The following PUM2 variants were observed in gnomAD, a reference collection of about 807,000 sequenced individuals.
PUM2 encodes pumilio homolog 2.
In PUM2, 57 loss-of-function variants were observed where a neutral mutation model predicts 124.5. The observed-to-expected ratio is 0.46, with a 90% CI of 0.37 to 0.57. PUM2 has a LOEUF of 0.57. Ranked by LOEUF, PUM2 falls within the 20% of genes least tolerant of loss-of-function variation. PUM2 has a pLI of 0.00. For synonymous variants in PUM2, 460 were observed against 446.1 expected (o/e 1.03, Z -0.39); for missense variants, 1,065 against 1,290.6 (o/e 0.83, Z 2.68).
intron 20 of PUM2, among the ~76,000 whole-genome samples, chr2:20,253,023 G>A (rs970921493): frequency 4.6e-5 from 7 of 152,126 alleles, no homozygotes; most frequent in African/African-American, 7.2e-5. Context: ...AATACTATAC[G>A]CTATTTTATA....
At chr2:20,276,364 T>C (rs929998532) in intron 13 of PUM2, among the ~76,000 whole-genome samples, 1 of 151,668 alleles carries the variant, frequency 6.6e-6, no homozygotes, top group Non-Finnish European at 1.5e-5. Context: ...GGGATGCAGA[T>C]CTCAAGCCTT....
Position 20,251,546 on chromosome 2 carries a change from C to A in PUM2, c.*39G>T, listed in dbSNP as rs1327056611. Reference sequence around the variant, plus strand: ...AATTCACACACAAAAAAATTCTTTTCACATGGTTAAATTATCTTCTTTCTC... The same window carrying A: ...AATTCACACACAAAAAAATTCTTTTAACATGGTTAAATTATCTTCTTTCTC... On this transcript the variant is annotated 3_prime_UTR_variant, in exon 21 of 21. Coordinates refer to ENST00000361078, the MANE Select transcript of PUM2 (RefSeq NM_015317.5). 6.4e-7 allele frequency: 1 copy of A among 1,569,584 alleles called. No homozygotes were observed. Among genetic ancestry groups the A allele is most frequent in the Non-Finnish European group, 8.7e-7 (1 of 1,155,466 alleles).
In PUM2 at chr2:20,312,344, T is replaced by C. The variant is rs545743619; in HGVS notation, c.240A>G (p.Ile80Met). 2 of 1,613,582 alleles carry C rather than the reference T, an allele frequency of 1.2e-6. No individual in the cohort carries two copies. Among genetic ancestry groups the C allele is most frequent in the Admixed American group, 1.7e-5 (1 of 60,014 alleles). ...CTCCACTTTCTGATCGCGGAGACAG[T>C]ATTGCATTTACTTCACTGTTTCCAT... ...GFHGNSEVNA[I>M]LSPRSESGGL... Residue 80 changes from isoleucine (I) to methionine (M), a missense_variant, in exon 4 of 21, where the codon ATA becomes ATG. Physicochemically the swap from Ile to Met is conservative, Grantham distance 10. Transcript: ENST00000361078.
chr2:20,274,293 C>T (rs1015513380), intron 13 of PUM2, among the ~76,000 whole-genome samples: 5 of 152,082 alleles, frequency 3.3e-5, no homozygotes, highest in Non-Finnish European at 4.4e-5. Flanking sequence ...GTGAATGCTT[C>T]GAATAATTCA....
intron 12 of PUM2, among the ~76,000 whole-genome samples, chr2:20,280,945 CT>C (rs1671369996): frequency 6.6e-6 from 1 of 152,126 alleles, no homozygotes. Flanking sequence ...GTATTTAACA[CT>C]GTTAAACATT....
At chr2:20,264,064 C>T (rs190901732) in intron 13 of PUM2, among the ~76,000 whole-genome samples, 7 of 151,486 alleles carry the variant, frequency 4.6e-5, no homozygotes, top group Admixed American at 2.0e-4. Flanking sequence ...TAAGGTTGGG[C>T]GTCGTGGCTC....
At position 20,260,330 on chromosome 2, in the gene PUM2, T is replaced by A. The variant is rs371835738; in HGVS notation, c.2355+7A>T. The A allele has an allele frequency of 1.9e-6, 3 of 1,607,226 alleles. No individual in the cohort carries two copies. The African/African-American group carries it at 4.0e-5, about 22-fold the overall frequency. Reference sequence around the variant, plus strand: ...GGGCGGATATACAAATATGCATGAATCCTTACCTCAAAAAACTTCTGTATA... The same window carrying A: ...GGGCGGATATACAAATATGCATGAAACCTTACCTCAAAAAACTTCTGTATA... On this transcript the variant is annotated splice_region_variant and intron_variant, in intron 15 of 20. Coordinates refer to ENST00000361078, the MANE Select transcript of PUM2 (RefSeq NM_015317.5).
chr2:20,280,829 C>T (rs573210832), intron 12 of PUM2, among the ~76,000 whole-genome samples: 8 of 152,098 alleles, frequency 5.3e-5, no homozygotes, highest in Non-Finnish European at 8.8e-5. Flanking sequence ...AAATTATAAA[C>T]TTTCAATTGT....
chr2:20,275,330 C>T (rs956836905), intron 13 of PUM2, among the ~76,000 whole-genome samples: 2 of 151,932 alleles, frequency 1.3e-5, no homozygotes, highest in East Asian at 3.9e-4. Flanking sequence ...GATAAAAACA[C>T]GAGTCACCTT....
At chr2:20,325,563 T>C (rs1288473016) in intron 2 of PUM2, among the ~76,000 whole-genome samples, 2 of 151,472 alleles carry the variant, frequency 1.3e-5, no homozygotes, top group African/African-American at 4.8e-5. Context: ...ATATATACAA[T>C]ATACATCTAA....
intron 14 of PUM2, among the ~76,000 whole-genome samples, chr2:20,262,206 G>A (rs953065115): frequency 6.6e-6 from 1 of 152,230 alleles, no homozygotes; most frequent in Admixed American, 6.5e-5. Context: ...GGAGTGTACA[G>A]TAATGTCCTA....
intron 13 of PUM2, among the ~76,000 whole-genome samples, chr2:20,264,350 AAAAAAAAAAAAAAAAAAATAT>A (rs1667024781): frequency 1.4e-5 from 1 of 72,342 alleles, no homozygotes; most frequent in Non-Finnish European, 2.6e-5. Context: ...AAAAAAAAAA[AAAAAAAAAAAAAAAAAAATAT>A]ATATATATAT....
intron 2 of PUM2, 48 bp downstream of exon 2, chr2:20,327,262 G>T: frequency 1.5e-6 from 2 of 1,300,552 alleles, no homozygotes; most frequent in Non-Finnish European, 1.1e-6. Context: ...AGTTACAATG[G>T]CTCAAAATAA....
chr2:20,329,687 G>A (rs1434861072), intron 1 of PUM2, among the ~76,000 whole-genome samples: 1 of 152,106 alleles, frequency 6.6e-6, no homozygotes, highest in Non-Finnish European at 1.5e-5. Flanking sequence ...GGTAAAACGG[G>A]TCTTAGGGTT....
Position 20,308,545 on chromosome 2 carries a change from T to G in PUM2, c.558A>C (p.Val186=). ...TAGTATTGGGGCCCAAGCGCTCAACTACTTCAGTTGGAGAGGCTTGACGAC... is the reference window on the plus strand; with the variant it reads ...TAGTATTGGGGCCCAAGCGCTCAACGACTTCAGTTGGAGAGGCTTGACGAC... ...PGSRQASPTE[V]VERLGPNTNP... Residue 186 remains valine (V), a synonymous_variant, in exon 6 of 21, where the codon GTA becomes GTC. Coordinates refer to ENST00000361078, the MANE Select transcript of PUM2 (RefSeq NM_015317.5). The G allele has an allele frequency of 6.2e-7, 1 of 1,613,932 alleles. No homozygotes were observed. Among genetic ancestry groups the G allele is most frequent in the Non-Finnish European group, 8.5e-7 (1 of 1,179,824 alleles).
At chr2:20,343,711 G>T (rs1280282695) in intron 1 of PUM2, among the ~76,000 whole-genome samples, 1 of 152,110 alleles carries the variant, frequency 6.6e-6, no homozygotes, top group African/African-American at 2.4e-5. Context: ...AGACCACATG[G>T]GGCAACAAAT....
chr2:20,347,373 A>G (rs1688443765), intron 1 of PUM2, among the ~76,000 whole-genome samples: 1 of 152,320 alleles, frequency 6.6e-6, no homozygotes, highest in South Asian at 2.1e-4. Flanking sequence ...ATTTGAAGAA[A>G]AAGTCACTAA....
chr2:20,336,497 G>C (rs1194594883), intron 1 of PUM2, among the ~76,000 whole-genome samples: 3 of 151,676 alleles, frequency 2.0e-5, no homozygotes, highest in Non-Finnish European at 4.4e-5. Context: ...CTAAAAAGTG[G>C]TTCTAAAGTT....
At chr2:20,293,195 C>T (rs778417059) in intron 9 of PUM2, among the ~76,000 whole-genome samples, 1 of 152,180 alleles carries the variant, frequency 6.6e-6, no homozygotes, top group Non-Finnish European at 1.5e-5. Flanking sequence ...CATACATAAG[C>T]ATGATAAATT....
Sources: gnomAD v4.1 joint callset for allele counts (sites outside exome capture counted in the v4.1 genomes callset) on GRCh38, gnomAD v4.1.1 for gene constraint, MANE v1.5 for transcripts, NCBI Gene and HGNC (gene_info 2026-07-23, HGNC 2026-07-21) for gene names.